Variants in CD99L2 observed in about 807,000 individuals in gnomAD.
The protein encoded by CD99L2 is CD99 molecule like 2.
In CD99L2, 24 loss-of-function variants were observed where a neutral mutation model predicts 27.3. That is an observed-to-expected ratio of 0.88 (90% CI 0.64 to 1.24). The LOEUF (loss-of-function observed/expected upper bound fraction) is 1.24. CD99L2 is among the 50% of genes most tolerant of loss of function. The pLI is 0.00. For synonymous variants in CD99L2, 97 were observed against 87.9 expected, an observed-to-expected ratio of 1.10 and a Z score of -0.58; for missense variants, 255 against 221.6, an observed-to-expected ratio of 1.15 and a Z score of -0.96.
intron 4 of CD99L2, among the ~76,000 whole-genome samples, chrX:150,803,186 G>A (rs1462767706): frequency 2.7e-5 from 3 of 111,642 alleles, no homozygotes; most frequent in African/African-American, 9.8e-5. Flanking sequence ...GAGCCACCAT[G>A]CCCGGCTAGA....
chrX:150,849,545 G>A (rs1197600104), intron 1 of CD99L2, among the ~76,000 whole-genome samples: 2 of 110,986 alleles, frequency 1.8e-5, no homozygotes, highest in Admixed American at 1.9e-4. Context: ...AGCCAAGTGT[G>A]GTGGCATACA....
intron 4 of CD99L2, among the ~76,000 whole-genome samples, chrX:150,799,999 G>A (rs1486804532): frequency 8.9e-6 from 1 of 111,790 alleles, no homozygotes; most frequent in Admixed American, 9.5e-5. Flanking sequence ...ACATATAAAT[G>A]GATAAGCAAA....
chrX:150,804,478 G>A (rs999481866), intron 4 of CD99L2, among the ~76,000 whole-genome samples: 1 of 111,931 alleles, frequency 8.9e-6, no homozygotes, highest in Admixed American at 9.5e-5. Flanking sequence ...CAGGCACGGT[G>A]GCTCATGCCT....
intron 4 of CD99L2, among the ~76,000 whole-genome samples, chrX:150,809,425 T>C (rs781954880): frequency 3.7e-4 from 42 of 112,348 alleles, no homozygotes; most frequent in Admixed American, 8.5e-4. Flanking sequence ...AATACTACTT[T>C]AACTTGCTAA....
At chrX:150,778,212 C>G (rs782430633) in intron 7 of CD99L2, among the ~76,000 whole-genome samples, 78 of 110,419 alleles carry the variant, frequency 7.1e-4, no homozygotes, top group African/African-American at 2.5e-3. Flanking sequence ...CTTCCACAGA[C>G]AGCTACTCCC....
chrX:150,876,832 TTA>T (rs1439917675), intron 1 of CD99L2, among the ~76,000 whole-genome samples: 1 of 112,273 alleles, frequency 8.9e-6, no homozygotes, highest in Non-Finnish European at 1.9e-5. Context: ...CACAAAAGAA[TTA>T]TGTCAGTCCT....
chrX:150,805,432 T>A (rs1316695698), intron 4 of CD99L2, among the ~76,000 whole-genome samples: 2 of 110,595 alleles, frequency 1.8e-5, no homozygotes, highest in African/African-American at 6.6e-5. Context: ...AATAATAATA[T>A]ATTATATACT....
intron 7 of CD99L2, among the ~76,000 whole-genome samples, chrX:150,782,446 T>C (rs898522171): frequency 1.8e-5 from 2 of 111,153 alleles, no homozygotes; most frequent in Admixed American, 1.9e-4. Context: ...CTCTAGGTAA[T>C]ATAATGGGTA....
intron 2 of CD99L2, chrX:150,818,605 G>A (rs1469319164): frequency 8.0e-6 from 1 of 125,594 alleles, no homozygotes; most frequent in African/African-American, 3.2e-5. Context: ...AAACTTATGT[G>A]TTACACTGAA....
intron 7 of CD99L2, among the ~76,000 whole-genome samples, chrX:150,786,803 A>G (rs782169251): frequency 2.7e-5 from 3 of 112,198 alleles, no homozygotes; most frequent in Non-Finnish European, 5.6e-5. Flanking sequence ...ACTTTTTTCA[A>G]CGCTGGCTGA....
intron 7 of CD99L2, among the ~76,000 whole-genome samples, chrX:150,788,182 A>G (rs781813593): frequency 8.1e-5 from 9 of 110,706 alleles, no homozygotes; most frequent in African/African-American, 2.9e-4. Flanking sequence ...AGCATATCAA[A>G]AAGCTAATCC....
intron 4 of CD99L2, among the ~76,000 whole-genome samples, chrX:150,813,614 TAA>T (rs2046105372): frequency 8.9e-6 from 1 of 111,895 alleles, no homozygotes; most frequent in Non-Finnish European, 1.9e-5. Flanking sequence ...AAAAATGTTT[TAA>T]TTGTATGAGA....
At chrX:150,794,538 G>C (rs138296202) in intron 6 of CD99L2, among the ~76,000 whole-genome samples, 3 of 112,497 alleles carry the variant, frequency 2.7e-5, no homozygotes, top group African/African-American at 9.7e-5. Context: ...TCCACTGAAA[G>C]GACAAGATAG....
chrX:150,789,270 G>A (rs1369582195), intron 7 of CD99L2, among the ~76,000 whole-genome samples: 2 of 108,883 alleles, frequency 1.8e-5, no homozygotes, highest in East Asian at 2.9e-4. Context: ...CTACAGGCAC[G>A]TGCTACCATG....
chrX:150,769,219 G>C (rs191816772), intron 10 of CD99L2, 118 bp from the exon 11 acceptor site: 2 of 862,630 alleles, frequency 2.3e-6, no homozygotes, highest in Non-Finnish European at 3.1e-6. Flanking sequence ...CCCCTGGGGG[G>C]CCGCTTAGCA....
At chrX:150,885,777 T>C (rs1203637414) in intron 1 of CD99L2, among the ~76,000 whole-genome samples, 1 of 112,617 alleles carries the variant, frequency 8.9e-6, no homozygotes, top group Non-Finnish European at 1.9e-5. Context: ...TATATGTTTA[T>C]TGTGCAATTT....
chrX:150,810,815 T>C (rs2046061120), intron 4 of CD99L2, among the ~76,000 whole-genome samples: 1 of 111,951 alleles, frequency 8.9e-6, no homozygotes, highest in Admixed American at 9.5e-5. Flanking sequence ...TAAGGGAATA[T>C]CATTGACAAA....
intron 7 of CD99L2, among the ~76,000 whole-genome samples, chrX:150,793,419 C>T (rs782797791): frequency 1.1e-4 from 12 of 112,377 alleles, no homozygotes; most frequent in Non-Finnish European, 2.1e-4. Context: ...GGTGGTGTTG[C>T]CTTGGCAAAT....
chrX:150,787,914 ATATATATAT>A (rs1557419607), intron 7 of CD99L2, among the ~76,000 whole-genome samples: 1 of 85,645 alleles, frequency 1.2e-5, no homozygotes, highest in Non-Finnish European at 2.2e-5. Flanking sequence ...ATATATATAT[ATATATATAT>A]ATAAAAGGAG....
Sources: gnomAD v4.1 joint callset for allele counts (sites outside exome capture counted in the v4.1 genomes callset) on GRCh38, gnomAD v4.1.1 for gene constraint, MANE v1.5 for transcripts, NCBI Gene and HGNC (gene_info 2026-07-23, HGNC 2026-07-21) for gene names.